The following CERS6 variants were observed in gnomAD, a reference collection of about 807,000 sequenced individuals.
CERS6 encodes LAG1 homolog, ceramide synthase 6.
Under a neutral mutation model 56.8 loss-of-function variants are expected in CERS6, and 26 were observed. That is an observed-to-expected ratio of 0.46 (90% CI 0.34 to 0.63). The LOEUF is 0.63. Among genes scored for constraint, CERS6 ranks in the 30% least tolerant of loss-of-function variants. The pLI is 0.01. For missense variants in CERS6, 415 were observed against 467.5 expected, an observed-to-expected ratio of 0.89 and a Z score of 1.04; for synonymous variants, 164 against 173.3, an observed-to-expected ratio of 0.95 and a Z score of 0.42.
chr2:168,563,998 G>A (rs1045705550), intron 3 of CERS6, among the ~76,000 whole-genome samples: 2 of 152,012 alleles, frequency 1.3e-5, no homozygotes, highest in South Asian at 2.1e-4. Flanking sequence ...CTTCTTCCTT[G>A]GTTTCTGAGT....
intron 1 of CERS6, among the ~76,000 whole-genome samples, chr2:168,516,612 A>G (rs1694888741): frequency 6.6e-6 from 1 of 152,220 alleles, no homozygotes; most frequent in Non-Finnish European, 1.5e-5. Context: ...TGGGGATTAA[A>G]TGAATTGCTA....
chr2:168,611,159 TCTTATAAAA>T, intron 3 of CERS6, among the ~76,000 whole-genome samples: 1 of 152,118 alleles, frequency 6.6e-6, no homozygotes, highest in East Asian at 1.9e-4. Flanking sequence ...AAGTCTGATG[TCTTATAAAA>T]CATCAGATTT....
Position 168,690,320 on chromosome 2 carries a change from G to A in CERS6, c.466-714G>A, listed in dbSNP as rs149754155. Among the ~76,000 whole-genome samples the A allele has an allele frequency of 5.9e-5, 9 of 152,290 alleles. No individual in the cohort carries two copies. In the East Asian group the frequency reaches 1.7e-3, roughly 29 times the overall value. On this transcript the variant is annotated intron_variant, in intron 4 of 9. Transcript: ENST00000305747. ...GAAATTATTTTGAAACTATGAGAAAGTTTGTGCTGGTCTTATTGGATAATT... is the reference window on the plus strand; with the variant it reads ...GAAATTATTTTGAAACTATGAGAAAATTTGTGCTGGTCTTATTGGATAATT...
intron 1 of CERS6, among the ~76,000 whole-genome samples, chr2:168,480,124 G>A (rs1021446129): frequency 6.6e-6 from 1 of 152,182 alleles, no homozygotes; most frequent in Admixed American, 6.5e-5. Context: ...GTAGGTAGCA[G>A]CGACTGGGTT....
chr2:168,532,168 T>G lies in CERS6; in HGVS notation c.171-15428T>G, dbSNP rs73020585. ...ATTTTTCCTAAGAAGAAAATTGTCT[T>G]CTTACTGCACACTACTCTGCATGCC... On this transcript the variant is annotated intron_variant, in intron 1 of 9. Transcript: ENST00000305747. Among the ~76,000 whole-genome samples, 1,016 of 152,274 alleles carry G rather than the reference T, an allele frequency of 6.7e-3. 10 individuals carry two copies. Among genetic ancestry groups the G allele is most frequent in the African/African-American group, 0.022 (925 of 41,546 alleles).
At chr2:168,577,051 T>C (rs1328832397) in intron 3 of CERS6, among the ~76,000 whole-genome samples, 1 of 152,138 alleles carries the variant, frequency 6.6e-6, no homozygotes, top group South Asian at 2.1e-4. Flanking sequence ...GGCAGCTGGA[T>C]AGGTGAATGC....
chr2:168,695,233 T>C (rs1686615898), intron 6 of CERS6, among the ~76,000 whole-genome samples, 182 bp downstream of exon 6: 1 of 152,146 alleles, frequency 6.6e-6, no homozygotes. Flanking sequence ...TTTTTTTCTA[T>C]TGTTTCTTCG....
At chr2:168,568,085 A>G (rs1371223458) in intron 3 of CERS6, among the ~76,000 whole-genome samples, 2 of 152,202 alleles carry the variant, frequency 1.3e-5, no homozygotes, top group East Asian at 1.9e-4. Context: ...CCTCTAATGC[A>G]TGTGTGTTGG....
intron 2 of CERS6, among the ~76,000 whole-genome samples, chr2:168,558,209 C>A (rs1419946517): frequency 6.6e-6 from 1 of 152,114 alleles, no homozygotes; most frequent in African/African-American, 2.4e-5. Flanking sequence ...TTTTCAATTT[C>A]AAAATTATAT....
intron 4 of CERS6, among the ~76,000 whole-genome samples, chr2:168,642,904 A>G (rs1053795870): frequency 2.2e-4 from 34 of 152,322 alleles, no homozygotes; most frequent in African/African-American, 6.7e-4. Flanking sequence ...TTGTGGATGC[A>G]TGTTCCTCTC....
intron 1 of CERS6, among the ~76,000 whole-genome samples, chr2:168,505,373 C>T (rs545289539): frequency 6.2e-5 from 8 of 128,774 alleles, no homozygotes; most frequent in South Asian, 5.7e-4. Context: ...CAGAGTGAGA[C>T]CCTGTTTCCA....
chr2:168,576,363 G>A (rs1683270080), intron 3 of CERS6, among the ~76,000 whole-genome samples: 1 of 152,078 alleles, frequency 6.6e-6, no homozygotes, highest in Non-Finnish European at 1.5e-5. Flanking sequence ...TTTGCAATGT[G>A]TTTGTTTCAT....
intron 8 of CERS6, among the ~76,000 whole-genome samples, chr2:168,755,449 G>C (rs62175681): frequency 0.037 from 5,571 of 152,218 alleles, 140 homozygotes; most frequent in African/African-American, 0.066. Flanking sequence ...GCATAAAGAT[G>C]GATACTGTGT....
At chr2:168,547,411 G>T (rs1004321037) in intron 1 of CERS6, among the ~76,000 whole-genome samples, 185 bp from the exon 2 acceptor site, 1 of 152,036 alleles carries the variant, frequency 6.6e-6, no homozygotes, top group Non-Finnish European at 1.5e-5. Context: ...ACTGCTGGGG[G>T]CTAACAGAGA....
Position 168,691,038 on chromosome 2 carries a change from C to T in CERS6, c.470C>T (p.Pro157Leu). 3 of 1,612,920 alleles carry T rather than the reference C, an allele frequency of 1.9e-6. No homozygotes were observed. Among genetic ancestry groups the T allele is most frequent in the East Asian group, 2.2e-5 (1 of 44,856 alleles). The change falls in exon 5 of 10, where the codon CCC (proline) becomes CTC (leucine). Residue 157 changes from proline to leucine, a missense_variant. Pro to Leu is a moderately conservative substitution (Grantham distance 98). Coordinates refer to ENST00000305747, the MANE Select transcript of CERS6 (RefSeq NM_203463.3). ...ATTTTTTGTCATTTTTTTCAGACCCCCTGGTTGTGGAATACGAGGCATTGC... is the reference window on the plus strand; with the variant it reads ...ATTTTTTGTCATTTTTTTCAGACCCTCTGGTTGTGGAATACGAGGCATTGC... ...TYGVRFLKKT[P>L]WLWNTRHCWY...
intron 3 of CERS6, among the ~76,000 whole-genome samples, chr2:168,628,182 C>T (rs777123626): frequency 4.6e-5 from 7 of 152,052 alleles, no homozygotes; most frequent in African/African-American, 7.2e-5. Flanking sequence ...TTTAACATGC[C>T]GTTTTCTTTC....
At chr2:168,499,447 C>G (rs114388308) in intron 1 of CERS6, among the ~76,000 whole-genome samples, 1 of 152,152 alleles carries the variant, frequency 6.6e-6, no homozygotes, top group East Asian at 1.9e-4. Flanking sequence ...ACCACACTTA[C>G]GACAAGGGTT....
intron 5 of CERS6, among the ~76,000 whole-genome samples, chr2:168,691,294 A>C (rs919449678): frequency 3.3e-5 from 5 of 152,196 alleles, no homozygotes; most frequent in Non-Finnish European, 7.4e-5. Flanking sequence ...TTGCCCTAGC[A>C]GATGGAGTCA....
In CERS6 at chr2:168,547,678, A is replaced by G; in HGVS notation, c.253A>G (p.Lys85Glu). 2 of 1,612,306 alleles carry G rather than the reference A, an allele frequency of 1.2e-6. No homozygotes were observed. Among genetic ancestry groups the G allele is most frequent in the Non-Finnish European group, 1.7e-6 (2 of 1,178,272 alleles). ...TGCTCCGCCCAATGCCATTCTGGAA[A>G]AGGTCTTCACTGCAATTACAAAGGT... is the stretch of plus-strand genomic sequence containing the variant. ...QIAPPNAILE[K>E]VFTAITKHPD... The change falls in exon 2 of 10, where the codon AAG becomes GAG. Residue 85 changes from lysine to glutamate, a missense_variant. Coordinates refer to ENST00000305747, the MANE Select transcript of CERS6 (RefSeq NM_203463.3).
Sources: gnomAD v4.1 joint callset for allele counts (sites outside exome capture counted in the v4.1 genomes callset) on GRCh38, gnomAD v4.1.1 for gene constraint, MANE v1.5 for transcripts, NCBI Gene and HGNC (gene_info 2026-07-23, HGNC 2026-07-21) for gene names.